The following TNRC6C variants were observed in gnomAD, a reference collection of about 807,000 sequenced individuals.
TNRC6C encodes the protein trinucleotide repeat-containing gene 6C protein.
Under a neutral mutation model 153.7 loss-of-function variants are expected in TNRC6C, and 20 were observed. The ratio of observed to expected loss-of-function variants is 0.13; its 90% CI spans 0.09 to 0.19. TNRC6C has a LOEUF of 0.19. Ranked by LOEUF, TNRC6C falls within the 10% of genes least tolerant of loss-of-function variation. The pLI is 1.00. For synonymous variants in TNRC6C, 811 were observed against 841.4 expected, an observed-to-expected ratio of 0.96 and a Z score of 0.63; for missense variants, 1,987 against 2,172.0, an observed-to-expected ratio of 0.91 and a Z score of 1.69.
chr17:78,092,081 C>T (rs2073404428), intron 14 of TNRC6C, among the ~76,000 whole-genome samples: 1 of 152,174 alleles, frequency 6.6e-6, no homozygotes, highest in Non-Finnish European at 1.5e-5. Flanking sequence ...GAACTCTTTA[C>T]TGATGGACAC....
intron 1 of TNRC6C, among the ~76,000 whole-genome samples, chr17:77,999,058 T>TCGTA (rs1191237112): frequency 6.6e-6 from 1 of 152,216 alleles, no homozygotes; most frequent in Non-Finnish European, 1.5e-5. Context: ...GGTGTTGACA[T>TCGTA]CGTAGTTCAG....
At chr17:78,050,462 G>A in exon 3 of TNRC6C, 1 of 1,614,042 alleles carries the variant, frequency 6.2e-7, no homozygotes, top group Non-Finnish European at 8.5e-7. Flanking sequence ...GAATCCCCTA[G>A]GTCTGAAAGG....
intron 1 of TNRC6C, among the ~76,000 whole-genome samples, chr17:77,963,878 C>A (rs74598107): frequency 0.042 from 6,450 of 152,216 alleles, 446 homozygotes; most frequent in African/African-American, 0.15. Context: ...CTCTTGTAAG[C>A]CAGTGGATTT....
chr17:78,029,217 T>C (rs946713196), intron 1 of TNRC6C, among the ~76,000 whole-genome samples: 2 of 152,202 alleles, frequency 1.3e-5, no homozygotes, highest in African/African-American at 4.8e-5. Context: ...GACACTAAAA[T>C]TCAGTAGTAC....
In TNRC6C at chr17:78,051,131, C is replaced by T. The variant is rs762881789; in HGVS notation, c.2069C>T (p.Thr690Ile). Reference sequence around the variant, plus strand: ...GCTGCTTCTGTGAAACAGACAGGAACAGGGTGGATCGGGGGGCCGGTACCG... The same window carrying T: ...GCTGCTTCTGTGAAACAGACAGGAATAGGGTGGATCGGGGGGCCGGTACCG... The change falls in exon 3 of 20, where the codon ACA becomes ATA. Residue 690 changes from threonine (T) to isoleucine (I), a missense_variant. Thr to Ile is a moderately conservative substitution (Grantham distance 89). Transcript: ENST00000301624. 5 of 1,580,750 alleles carry T rather than the reference C, an allele frequency of 3.2e-6. No individual in the cohort carries two copies. In the South Asian group the frequency reaches 3.5e-5, roughly 11 times the overall value.
exon 20 of TNRC6C, chr17:78,106,372 T>C (rs2073694667): frequency 6.6e-6 from 1 of 152,052 alleles, no homozygotes; most frequent in Non-Finnish European, 1.5e-5. Flanking sequence ...ACTCTGTCGA[T>C]TGCTTTCGCC....
At chr17:77,975,561 T>C (rs1478971434) in intron 1 of TNRC6C, among the ~76,000 whole-genome samples, 3 of 152,244 alleles carry the variant, frequency 2.0e-5, no homozygotes, top group African/African-American at 7.2e-5. Flanking sequence ...TTGTCATTCA[T>C]GTAGGAAGGT....
At chr17:78,036,675 G>A (rs1212272354) in intron 2 of TNRC6C, among the ~76,000 whole-genome samples, 2 of 152,138 alleles carry the variant, frequency 1.3e-5, no homozygotes, top group Non-Finnish European at 2.9e-5. Context: ...TGTAATCCCA[G>A]CAGTTTGAGA....
chr17:77,997,717 C>T (rs763876556), intron 1 of TNRC6C, among the ~76,000 whole-genome samples: 4 of 151,730 alleles, frequency 2.6e-5, no homozygotes, highest in African/African-American at 9.7e-5. Context: ...AGTGCAGTGG[C>T]GCGATCTCAG....
At chr17:78,020,422 C>T (rs931638123) in intron 1 of TNRC6C, among the ~76,000 whole-genome samples, 5 of 152,154 alleles carry the variant, frequency 3.3e-5, no homozygotes, top group Non-Finnish European at 7.3e-5. Context: ...AAGGGAAATT[C>T]TCCCACCTGA....
upstream of TNRC6C, among the ~76,000 whole-genome samples, chr17:77,999,524 G>A (rs975775883): frequency 6.6e-6 from 1 of 152,220 alleles, no homozygotes; most frequent in Non-Finnish European, 1.5e-5. Context: ...AGAGGCTGTA[G>A]CTGGCATAAT....
chr17:77,961,308 G>C (rs1420275336), intron 1 of TNRC6C, among the ~76,000 whole-genome samples: 2 of 151,950 alleles, frequency 1.3e-5, no homozygotes, highest in Admixed American at 1.3e-4. Flanking sequence ...GGTGCCCGCC[G>C]CCACGCCCGG....
At chr17:77,999,258 C>T (rs530056442), upstream of TNRC6C, among the ~76,000 whole-genome samples, 16 of 152,266 alleles carry the variant, frequency 1.1e-4, no homozygotes, top group African/African-American at 3.1e-4. Flanking sequence ...TCCTCTGCTG[C>T]GAAAGATGGG....
At chr17:78,054,560 TACTGCGCACC>T (rs1349074005) in intron 3 of TNRC6C, among the ~76,000 whole-genome samples, 1 of 151,882 alleles carries the variant, frequency 6.6e-6, no homozygotes, top group Non-Finnish European at 1.5e-5. Flanking sequence ...CACTGTGGAC[TACTGCGCACC>T]ACTGCAGACT....
At chr17:78,008,719 T>C (rs1221146868) in intron 1 of TNRC6C, 3 of 152,162 alleles carry the variant, frequency 2.0e-5, no homozygotes, top group Non-Finnish European at 4.4e-5. Context: ...CTTTTTCTTA[T>C]TTTTCCCTCC....
intron 1 of TNRC6C, among the ~76,000 whole-genome samples, chr17:78,029,623 A>T (rs76297082): frequency 0.031 from 4,757 of 152,030 alleles, 255 homozygotes; most frequent in African/African-American, 0.11. Context: ...ACTTAAAAAA[A>T]TTTTTTTTCA....
upstream of TNRC6C, among the ~76,000 whole-genome samples, chr17:77,957,854 G>A (rs547601478): frequency 1.3e-5 from 2 of 152,256 alleles, no homozygotes; most frequent in South Asian, 2.1e-4. Context: ...CGGAGCACCG[G>A]GGAGGAATCG....
chr17:78,019,123 C>T (rs939998527), intron 1 of TNRC6C, among the ~76,000 whole-genome samples: 3 of 151,892 alleles, frequency 2.0e-5, no homozygotes, highest in Non-Finnish European at 2.9e-5. Flanking sequence ...TTACAGATGA[C>T]GATATTGAAG....
chr17:78,035,155 CTTTG>C (rs754097699), intron 2 of TNRC6C, among the ~76,000 whole-genome samples: 6 of 152,122 alleles, frequency 3.9e-5, no homozygotes, highest in Non-Finnish European at 8.8e-5. Flanking sequence ...ATTCCAATGA[CTTTG>C]TTTGATTTTG....
Sources: gnomAD v4.1 joint callset for allele counts (sites outside exome capture counted in the v4.1 genomes callset) on GRCh38, gnomAD v4.1.1 for gene constraint, MANE v1.5 for transcripts, NCBI Gene and HGNC (gene_info 2026-07-23, HGNC 2026-07-21) for gene names.